PEX14: variants seen among roughly 807,000 people sequenced by gnomAD.
The protein encoded by PEX14 is peroxisomal membrane protein PEX14.
Under a neutral mutation model 49.5 loss-of-function variants are expected in PEX14, and 15 were observed. The ratio of observed to expected loss-of-function variants is 0.30; its 90% CI spans 0.20 to 0.47. The LOEUF (loss-of-function observed/expected upper bound fraction) is 0.47, where lower values mean the gene tolerates loss of function less well. Among genes scored for constraint, PEX14 ranks in the 20% least tolerant of loss-of-function variants. The probability of loss-of-function intolerance (pLI) is 1.00; values close to 1 mark genes in which losing one functional copy is unlikely to be tolerated. For synonymous variants in PEX14, 210 were observed against 212.7 expected (o/e 0.99, Z 0.11); for missense variants, 398 against 494.8 (o/e 0.80, Z 1.86).
intron 2 of PEX14, among the ~76,000 whole-genome samples, chr1:10,513,976 C>G (rs535711042): frequency 1.3e-5 from 2 of 152,258 alleles, no homozygotes; most frequent in South Asian, 2.1e-4. Context: ...TCTGTAGATT[C>G]CCACAGCGCG....
At chr1:10,515,533 T>A (rs2124443604) in intron 2 of PEX14, among the ~76,000 whole-genome samples, 1 of 152,244 alleles carries the variant, frequency 6.6e-6, no homozygotes, top group African/African-American at 2.4e-5. Context: ...TGGCCGAGGA[T>A]CCCTGGACAT....
chr1:10,524,097 A>G (rs891891410), intron 2 of PEX14, among the ~76,000 whole-genome samples: 1 of 152,166 alleles, frequency 6.6e-6, no homozygotes, highest in African/African-American at 2.4e-5. Flanking sequence ...AAATGGTGCT[A>G]GCTGCAGCCT....
At chr1:10,485,298 G>GT (rs1641347920) in intron 1 of PEX14, among the ~76,000 whole-genome samples, 2 of 134,586 alleles carry the variant, frequency 1.5e-5, no homozygotes, top group African/African-American at 3.0e-5. Flanking sequence ...ATTTGTGTGT[G>GT]GTTTTTTTTT....
chr1:10,592,791 G>A (rs987083777), intron 3 of PEX14, among the ~76,000 whole-genome samples: 3 of 152,208 alleles, frequency 2.0e-5, no homozygotes, highest in Non-Finnish European at 2.9e-5. Context: ...GTCTGCTTTG[G>A]AATTAAACTG....
At chr1:10,622,901 C>T (rs776673605) in intron 5 of PEX14, 118 bp from the exon 6 acceptor site, 2 of 727,550 alleles carry the variant, frequency 2.7e-6, no homozygotes, top group Non-Finnish European at 5.0e-6. Flanking sequence ...ATGGTGTTTG[C>T]TTAGGGTTTC....
intron 1 of PEX14, among the ~76,000 whole-genome samples, chr1:10,488,287 G>A (rs912467643): frequency 6.6e-6 from 1 of 152,048 alleles, no homozygotes; most frequent in African/African-American, 2.4e-5. Context: ...CTCCTGAGTA[G>A]CTGGGATTAC....
intron 4 of PEX14, among the ~76,000 whole-genome samples, chr1:10,606,376 G>A (rs1364855279): frequency 6.6e-6 from 1 of 152,220 alleles, no homozygotes; most frequent in Non-Finnish European, 1.5e-5. Context: ...AATTGCCCAT[G>A]TCCCTTCCAC....
chr1:10,500,850 C>T (rs1641665034), intron 2 of PEX14, among the ~76,000 whole-genome samples: 1 of 152,214 alleles, frequency 6.6e-6, no homozygotes, highest in African/African-American at 2.4e-5. Flanking sequence ...GCTGGGATTG[C>T]AGGCATGAGC....
chr1:10,624,146 A>C (rs940991036), intron 6 of PEX14, among the ~76,000 whole-genome samples, 194 bp from the exon 7 acceptor site: 1 of 152,210 alleles, frequency 6.6e-6, no homozygotes, highest in Non-Finnish European at 1.5e-5. Flanking sequence ...ATAAAGTAGA[A>C]ATACTAGAGG....
At chr1:10,564,848 A>G (rs1330311627) in intron 3 of PEX14, among the ~76,000 whole-genome samples, 2 of 149,962 alleles carry the variant, frequency 1.3e-5, no homozygotes, top group Non-Finnish European at 3.0e-5. Context: ...TGGGCTATCT[A>G]TGAGTTTGGG....
At chr1:10,621,045 G>A (rs373486315) in intron 5 of PEX14, among the ~76,000 whole-genome samples, 8 of 152,242 alleles carry the variant, frequency 5.3e-5, no homozygotes, top group African/African-American at 1.4e-4. Flanking sequence ...CCGCCTTAGC[G>A]TGGGCACTCA....
chr1:10,510,824 C>T (rs577097409), intron 2 of PEX14, among the ~76,000 whole-genome samples: 16 of 152,336 alleles, frequency 1.1e-4, no homozygotes, highest in African/African-American at 3.8e-4. Context: ...AACATTCCCA[C>T]TGGGCCACAC....
intron 3 of PEX14, among the ~76,000 whole-genome samples, chr1:10,584,623 GA>G (rs1339016268): frequency 6.6e-6 from 1 of 152,184 alleles, no homozygotes; most frequent in Admixed American, 6.5e-5. Flanking sequence ...GAACCTGGGT[GA>G]AAGATATATG....
intron 3 of PEX14, among the ~76,000 whole-genome samples, chr1:10,582,656 A>G (rs1184010439): frequency 6.6e-6 from 1 of 152,218 alleles, no homozygotes; most frequent in African/African-American, 2.4e-5. Context: ...AGTATAAGGC[A>G]TATCAGGGGC....
intron 3 of PEX14, among the ~76,000 whole-genome samples, chr1:10,573,883 T>C (rs972779085): frequency 5.3e-5 from 8 of 152,198 alleles, no homozygotes; most frequent in Admixed American, 5.2e-4. Context: ...GGCAGATCAC[T>C]TGAGATCAGG....
chr1:10,587,998 G>A (rs182524046), intron 3 of PEX14, among the ~76,000 whole-genome samples: 1 of 148,432 alleles, frequency 6.7e-6, no homozygotes, highest in African/African-American at 2.5e-5. Flanking sequence ...GGCCGAGCGA[G>A]TAGATCACGA....
At position 10,536,226 on chromosome 1, in the gene PEX14, T is replaced by C. The variant is rs1185860550; in HGVS notation, c.98T>C (p.Val33Ala). Reference protein sequence around the residue: ...LPREPLIATAVKFLQNSRVRQ... With the variant: ...LPREPLIATAAKFLQNSRVRQ... ...CTCTCTCACCAGATTGCCACGGCAG[T>C]GAAGTTTCTACAGAATTCCCGGGTC... The change falls in exon 3 of 9, where the codon GTG becomes GCG. Residue 33 changes from valine (V) to alanine (A), a missense_variant. Transcript: ENST00000356607. 7 of 1,608,134 alleles carry C rather than the reference T, an allele frequency of 4.4e-6. No individual in the cohort carries two copies. The highest frequency in any genetic ancestry group is 6.0e-6 in the Non-Finnish European group (7 of 1,174,646).
At chr1:10,489,454 A>T (rs2124389299) in intron 1 of PEX14, among the ~76,000 whole-genome samples, 1 of 152,250 alleles carries the variant, frequency 6.6e-6, no homozygotes, top group South Asian at 2.1e-4. Flanking sequence ...GGATCTGGAT[A>T]ATCTTTAATC....
intron 3 of PEX14, among the ~76,000 whole-genome samples, chr1:10,590,395 CTTT>C (rs1388474004): frequency 2.0e-5 from 3 of 152,136 alleles, no homozygotes; most frequent in African/African-American, 4.8e-5. Context: ...TGAATGATTT[CTTT>C]TTTGTTTTTT....
Sources: gnomAD v4.1 joint callset for allele counts (sites outside exome capture counted in the v4.1 genomes callset) on GRCh38, gnomAD v4.1.1 for gene constraint, MANE v1.5 for transcripts, NCBI Gene and HGNC (gene_info 2026-07-23, HGNC 2026-07-21) for gene names.